The following SESTD1 variants were observed in gnomAD, a reference collection of about 807,000 sequenced individuals.
The protein encoded by SESTD1 is SEC14 domain and spectrin repeat-containing protein 1.
SESTD1 carries 43 observed loss-of-function variants against 101.7 expected under a neutral mutation model. The ratio of observed to expected loss-of-function variants is 0.42; its 90% CI spans 0.33 to 0.55. The LOEUF (loss-of-function observed/expected upper bound fraction) is 0.55. Among genes scored for constraint, SESTD1 ranks in the 20% least tolerant of loss-of-function variants. SESTD1 has a pLI of 0.07. For synonymous variants in SESTD1, 283 were observed against 286.8 expected (o/e 0.99, Z 0.13); for missense variants, 647 against 815.1 (o/e 0.79, Z 2.51).
At chr2:179,200,584 A>G (rs1380596174) in intron 1 of SESTD1, among the ~76,000 whole-genome samples, 1 of 152,134 alleles carries the variant, frequency 6.6e-6, no homozygotes. Flanking sequence ...ATATAGATCA[A>G]TGGAACCGAA....
At chr2:179,196,082 C>A (rs955809371) in intron 1 of SESTD1, among the ~76,000 whole-genome samples, 1 of 152,144 alleles carries the variant, frequency 6.6e-6, no homozygotes, top group Non-Finnish European at 1.5e-5. Context: ...ACAGTGGGCG[C>A]AGGTCAGTGG....
intron 1 of SESTD1, among the ~76,000 whole-genome samples, chr2:179,254,131 T>G (rs977230041): frequency 6.6e-6 from 1 of 151,676 alleles, no homozygotes; most frequent in Admixed American, 6.6e-5. Flanking sequence ...AAAATAAAAT[T>G]TGAAACATAT....
chr2:179,154,055 G>T (rs189090825), intron 5 of SESTD1, among the ~76,000 whole-genome samples: 458 of 135,574 alleles, frequency 3.4e-3, no homozygotes, highest in Non-Finnish European at 5.5e-3. Context: ...ACCAGCCTGG[G>T]TAATGTAAGA....
chr2:179,236,704 AGACTT>A (rs1373103327), intron 1 of SESTD1, among the ~76,000 whole-genome samples: 4 of 151,204 alleles, frequency 2.6e-5, no homozygotes, highest in Non-Finnish European at 5.9e-5. Flanking sequence ...AACAAGTCCT[AGACTT>A]AATTATTTTA....
rs1575427756 is a variant in SESTD1, at chr2:179,126,290, C to T, written c.973-1732G>A. On this transcript the variant is annotated intron_variant, in intron 10 of 17. Coordinates refer to ENST00000428443, the MANE Select transcript of SESTD1 (RefSeq NM_178123.5). Reference sequence around the variant, plus strand: ...CAAAAAATTCCATCTTGCCACAAATCCAATGGTCAATTCTCAGTCTTTATT... The same window carrying T: ...CAAAAAATTCCATCTTGCCACAAATTCAATGGTCAATTCTCAGTCTTTATT... Among the ~76,000 whole-genome samples, 5 of 152,248 alleles carry T rather than the reference C, an allele frequency of 3.3e-5. 1 individual carries two copies. Among genetic ancestry groups the T allele is most frequent in the Admixed American group, 3.3e-4 (5 of 15,290 alleles).
chr2:179,204,921 C>CAG (rs1296026103), intron 1 of SESTD1, among the ~76,000 whole-genome samples: 1 of 134,938 alleles, frequency 7.4e-6, no homozygotes, highest in East Asian at 2.0e-4. Flanking sequence ...AATGCAGATA[C>CAG]AGAGACAACA....
At chr2:179,207,933 A>T (rs1226951211) in intron 1 of SESTD1, among the ~76,000 whole-genome samples, 1 of 135,020 alleles carries the variant, frequency 7.4e-6, no homozygotes, top group Non-Finnish European at 1.6e-5. Flanking sequence ...CTATTCAAGG[A>T]GGCACCAGAG....
intron 1 of SESTD1, among the ~76,000 whole-genome samples, chr2:179,235,239 A>G (rs926238024): frequency 3.9e-5 from 6 of 152,200 alleles, no homozygotes; most frequent in Non-Finnish European, 5.9e-5. Flanking sequence ...CTTAGGAATA[A>G]AGGGACATAA....
chr2:179,129,076 G>A (rs557272067), intron 10 of SESTD1, among the ~76,000 whole-genome samples: 30 of 152,290 alleles, frequency 2.0e-4, no homozygotes, highest in African/African-American at 5.3e-4. Context: ...GTGCCAACTC[G>A]GGTTAAAAAG....
intron 13 of SESTD1, among the ~76,000 whole-genome samples, chr2:179,118,695 CTT>C (rs919960391): frequency 8.5e-4 from 130 of 152,202 alleles, no homozygotes; most frequent in African/African-American, 3.0e-3. Flanking sequence ...ATGTAGGCCA[CTT>C]TGATGAAGAT....
intron 5 of SESTD1, among the ~76,000 whole-genome samples, chr2:179,157,413 C>T (rs2105457838): frequency 6.6e-6 from 1 of 152,214 alleles, no homozygotes; most frequent in Admixed American, 6.5e-5. Flanking sequence ...ATAGCCAAAC[C>T]AAGACTAAGC....
intron 5 of SESTD1, among the ~76,000 whole-genome samples, chr2:179,152,696 C>A (rs1345469089): frequency 6.6e-6 from 1 of 152,006 alleles, no homozygotes; most frequent in African/African-American, 2.4e-5. Flanking sequence ...AGGAAGACAC[C>A]AAAAACATTG....
intron 1 of SESTD1, among the ~76,000 whole-genome samples, chr2:179,235,905 C>T (rs1225818234): frequency 6.6e-6 from 1 of 152,130 alleles, no homozygotes; most frequent in Non-Finnish European, 1.5e-5. Flanking sequence ...ATGTCATCTT[C>T]GCTGAAATAA....
intron 13 of SESTD1, among the ~76,000 whole-genome samples, chr2:179,121,491 A>G (rs2044748684): frequency 6.6e-6 from 1 of 152,236 alleles, no homozygotes. Context: ...TTAAAGCAGA[A>G]GAGTCATAGA....
At chr2:179,159,138 C>T (rs1460692911) in intron 5 of SESTD1, among the ~76,000 whole-genome samples, 9 of 152,068 alleles carry the variant, frequency 5.9e-5, no homozygotes, top group Admixed American at 1.3e-4. Flanking sequence ...TCTATGCATA[C>T]GCTTTTCGCC....
At chr2:179,242,549 A>C (rs2047170101) in intron 1 of SESTD1, among the ~76,000 whole-genome samples, 1 of 152,188 alleles carries the variant, frequency 6.6e-6, no homozygotes, top group Non-Finnish European at 1.5e-5. Flanking sequence ...GTATTACATT[A>C]CTCAACTTCA....
intron 10 of SESTD1, among the ~76,000 whole-genome samples, chr2:179,127,477 A>C (rs1273196363): frequency 1.3e-5 from 2 of 152,226 alleles, no homozygotes; most frequent in African/African-American, 4.8e-5. Context: ...AACATTAATC[A>C]CTGTAGATTT....
intron 5 of SESTD1, among the ~76,000 whole-genome samples, 181 bp from the exon 6 acceptor site, chr2:179,151,572 T>C (rs546932127): frequency 5.4e-4 from 82 of 152,214 alleles, no homozygotes; most frequent in African/African-American, 1.9e-3. Context: ...TGATAAAAAA[T>C]TCATCAAAAA....
intron 1 of SESTD1, among the ~76,000 whole-genome samples, chr2:179,261,561 G>A (rs1328822688): frequency 6.6e-6 from 1 of 152,036 alleles, no homozygotes; most frequent in Non-Finnish European, 1.5e-5. Flanking sequence ...ATGATAAGAT[G>A]AAATACAAAT....
Sources: gnomAD v4.1 joint callset for allele counts (sites outside exome capture counted in the v4.1 genomes callset) on GRCh38, gnomAD v4.1.1 for gene constraint, MANE v1.5 for transcripts, NCBI Gene and HGNC (gene_info 2026-07-23, HGNC 2026-07-21) for gene names.